PCSK5: variants seen among roughly 807,000 people sequenced by gnomAD.
PCSK5 encodes the protein prohormone convertase 5.
A neutral mutation model predicts 233.2 loss-of-function variants in PCSK5; 129 were observed. The observed-to-expected ratio is 0.55, with a 90% CI of 0.48 to 0.64. The LOEUF is 0.64. Ranked by LOEUF, PCSK5 falls within the 30% of genes least tolerant of loss-of-function variation. PCSK5 has a pLI of 0.00. For synonymous variants in PCSK5, 825 were observed against 879.2 expected, an observed-to-expected ratio of 0.94 and a Z score of 1.09; for missense variants, 2,076 against 2,430.1, an observed-to-expected ratio of 0.85 and a Z score of 3.06.
Position 76,096,090 on chromosome 9 carries a change from C to A in PCSK5, c.1095C>A (p.Tyr365Ter). 1 of 1,612,754 alleles carries A rather than the reference C, an allele frequency of 6.2e-7. No homozygotes were observed. Residue 365 changes from tyrosine (Y) to a stop codon, truncating the protein, a stop_gained, in exon 8 of 38, where the codon TAC (tyrosine) becomes TAA (stop). Coordinates refer to ENST00000674117, the MANE Select transcript of PCSK5 (RefSeq NM_001372043.1). LOFTEE classifies it high-confidence loss of function. Reference sequence around the variant, plus strand: ...CAACCTACAGCAGCGGGGAGTCCTACGATAAGAAAATCGTACGTGACATGT... The same window carrying A: ...CAACCTACAGCAGCGGGGAGTCCTAAGATAAGAAAATCGTACGTGACATGT... The part of the protein sequence containing the change: ...LATTYSSGES[Y>*]DKKIITTDLR...
At chr9:76,085,146 C>G (rs1831011787) in intron 7 of PCSK5, among the ~76,000 whole-genome samples, 2 of 152,120 alleles carry the variant, frequency 1.3e-5, no homozygotes, top group Admixed American at 6.5e-5. Context: ...TCAGGTGGGC[C>G]CATCTGTTCA....
At position 76,351,481 on chromosome 9, in the gene PCSK5, A is replaced by AAAG. The variant is rs1288855061; in HGVS notation, c.5067+556_5067+558dup. Among the ~76,000 whole-genome samples the AAAG allele has an allele frequency of 2.7e-4, 24 of 89,824 alleles. 3 individuals are homozygous for AAAG. The highest frequency in any genetic ancestry group is 9.4e-4 in the African/African-American group (24 of 25,478). 58.9% of individuals were successfully genotyped at this position (89,824 alleles called of 152,430 possible). A position where few individuals can be genotyped will look rare whatever the true frequency, so the allele number is the denominator to read the frequency against. On this transcript the variant is annotated intron_variant, in intron 36 of 37. Transcript: ENST00000674117. ...GAAAGAAAGAAAGAAAGAAAGAAAG[A>AAAG]AAGAAAGAAAGAAAGAAAGAAAGAA... is the stretch of plus-strand genomic sequence containing the variant.
Position 76,296,693 on chromosome 9 carries a change from T to C in PCSK5, c.3351T>C (p.Pro1117=). 4 of 1,612,426 alleles carry C rather than the reference T, an allele frequency of 2.5e-6. No individual in the cohort carries two copies. The highest frequency in any genetic ancestry group is 3.4e-6 in the Non-Finnish European group (4 of 1,179,472). ...LGGSCVRKCG[P]GFYGDQEMGE... ...GCAGTTGTGTGAGGAAATGTGGTCC[T>C]GGATTCTATGGTGACCAAGAAATGG... is the stretch of plus-strand genomic sequence containing the variant. Residue 1117 remains proline (P), a synonymous_variant, in exon 27 of 38, where the codon CCT becomes CCC. Transcript: ENST00000674117.
intron 5 of PCSK5, among the ~76,000 whole-genome samples, chr9:76,062,189 A>G (rs1830053631): frequency 6.6e-6 from 1 of 152,116 alleles, no homozygotes; most frequent in African/African-American, 2.4e-5. Flanking sequence ...TTGAGGTTAC[A>G]GTGAATTATG....
chr9:76,240,594 T>C (rs1826400474), intron 23 of PCSK5, 22 bp from the exon 24 acceptor site: 1 of 1,532,984 alleles, frequency 6.5e-7, no homozygotes, highest in Non-Finnish European at 8.9e-7. Flanking sequence ...GAGTTGTGTT[T>C]TTCACTTCTC....
chr9:76,316,604 G>A (rs1248749044), intron 30 of PCSK5, among the ~76,000 whole-genome samples: 4 of 150,874 alleles, frequency 2.7e-5, no homozygotes, highest in South Asian at 2.1e-4. Context: ...CCAGTGTGGC[G>A]GCACACACCT....
rs78883298 is a variant in PCSK5, at chr9:75,993,730, C to T, written c.411+7485C>T. Reference sequence around the variant, plus strand: ...CAGCAGAAAGAAAACGCACATGGGGCGAAGTCTGGAGGAAACCAGGATCAA... The same window carrying T: ...CAGCAGAAAGAAAACGCACATGGGGTGAAGTCTGGAGGAAACCAGGATCAA... On this transcript the variant is annotated intron_variant, in intron 3 of 37. Coordinates refer to ENST00000674117, the MANE Select transcript of PCSK5 (RefSeq NM_001372043.1). 6.6e-3 allele frequency among the ~76,000 whole-genome samples: 1,007 copies of T among 152,260 alleles called. 8 individuals are homozygous for T. The highest frequency in any genetic ancestry group is 0.02 in the Middle Eastern group (6 of 294).
At chr9:76,074,364 G>A (rs1411504528) in intron 7 of PCSK5, among the ~76,000 whole-genome samples, 1 of 152,166 alleles carries the variant, frequency 6.6e-6, no homozygotes, top group Non-Finnish European at 1.5e-5. Context: ...GGGAAAAAAA[G>A]GAATTCAGTT....
intron 24 of PCSK5, among the ~76,000 whole-genome samples, chr9:76,257,590 G>A (rs1324530496): frequency 4.6e-5 from 7 of 152,092 alleles, no homozygotes; most frequent in Non-Finnish European, 7.4e-5. Context: ...AGTCCTCCCC[G>A]CAGCCTCCAG....
intron 24 of PCSK5, among the ~76,000 whole-genome samples, chr9:76,245,959 A>G (rs907546461): frequency 1.3e-5 from 2 of 152,128 alleles, no homozygotes; most frequent in African/African-American, 4.8e-5. Flanking sequence ...AGAGGGAGAG[A>G]TGTTTTTAAA....
rs1053186456 is a variant in PCSK5, at chr9:76,264,669, C to T, written c.3142+23985C>T. ...ACAAACATGAAACAATTATCCACAT[C>T]GCTAACATCAGAGAAATGCAAATCA... On this transcript the variant is annotated intron_variant, in intron 24 of 37. Coordinates refer to ENST00000674117, the MANE Select transcript of PCSK5 (RefSeq NM_001372043.1). Among the ~76,000 whole-genome samples the T allele has an allele frequency of 5.3e-5, 8 of 152,078 alleles. No individual in the cohort carries two copies. In the South Asian group the frequency reaches 8.3e-4, roughly 16 times the overall value.
In PCSK5 at chr9:76,362,164, C is replaced by G. The variant is rs530406868; in HGVS notation, c.*3242C>G. 4.6e-5 allele frequency: 7 copies of G among 152,256 alleles called. No individual in the cohort carries two copies. The highest frequency in any genetic ancestry group is 8.8e-5 in the Non-Finnish European group (6 of 68,020). 9.4% of individuals were successfully genotyped at this position (152,256 alleles called of 1,614,324 possible). On this transcript the variant is annotated 3_prime_UTR_variant, in exon 38 of 38. Coordinates refer to ENST00000674117, the MANE Select transcript of PCSK5 (RefSeq NM_001372043.1). ...TGGCTTTTGAATACTATGCTAATGA[C>G]TATCTAAATAGATAAATATGTGATT... is the stretch of plus-strand genomic sequence containing the variant.
chr9:76,004,322 G>A (rs1827388057), intron 3 of PCSK5, among the ~76,000 whole-genome samples: 1 of 152,024 alleles, frequency 6.6e-6, no homozygotes, highest in Non-Finnish European at 1.5e-5. Flanking sequence ...GGGTAAGACT[G>A]CATCCTTTTC....
At chr9:75,947,699 C>T (rs925003254) in intron 2 of PCSK5, among the ~76,000 whole-genome samples, 1 of 152,152 alleles carries the variant, frequency 6.6e-6, no homozygotes, top group Non-Finnish European at 1.5e-5. Flanking sequence ...CCTTCTTCAA[C>T]TCACTTTTGT....
intron 1 of PCSK5, among the ~76,000 whole-genome samples, chr9:75,905,729 TAGCAG>T (rs1826239074): frequency 6.6e-6 from 1 of 152,156 alleles, no homozygotes; most frequent in Admixed American, 6.5e-5. Context: ...TAGACTCTTG[TAGCAG>T]GGCGAACCCT....
rs1564201695 is a variant in PCSK5, at chr9:76,358,944, C to G, written c.*22C>G. On this transcript the variant is annotated 3_prime_UTR_variant, in exon 38 of 38. Coordinates refer to ENST00000674117, the MANE Select transcript of PCSK5 (RefSeq NM_001372043.1). ...GTAAACAGGCACTCCCCCACCAACACCACCATTCCACTCTCAGGCATGCCT... is the reference window on the plus strand; with the variant it reads ...GTAAACAGGCACTCCCCCACCAACAGCACCATTCCACTCTCAGGCATGCCT... 2 of 1,599,756 alleles carry G rather than the reference C, an allele frequency of 1.3e-6. No individual in the cohort carries two copies. Among genetic ancestry groups the G allele is most frequent in the East Asian group, 2.2e-5 (1 of 44,760 alleles).
intron 6 of PCSK5, among the ~76,000 whole-genome samples, chr9:76,071,179 C>T (rs1265012294): frequency 6.6e-6 from 1 of 152,112 alleles, no homozygotes; most frequent in African/African-American, 2.4e-5. Flanking sequence ...GTTACATCCA[C>T]AGAGATTATT....
At chr9:76,113,231 C>CT (rs1314321061) in intron 9 of PCSK5, among the ~76,000 whole-genome samples, 1 of 152,100 alleles carries the variant, frequency 6.6e-6, no homozygotes, top group African/African-American at 2.4e-5. Context: ...TCCCCTCTAC[C>CT]TTTTGTCTTT....
chr9:76,253,009 A>T (rs1826861491), intron 24 of PCSK5, among the ~76,000 whole-genome samples: 1 of 152,206 alleles, frequency 6.6e-6, no homozygotes, highest in South Asian at 2.1e-4. Context: ...CCATTTTGGT[A>T]CCTTCCAAAC....
Sources: gnomAD v4.1 joint callset for allele counts (sites outside exome capture counted in the v4.1 genomes callset) on GRCh38, gnomAD v4.1.1 for gene constraint, MANE v1.5 for transcripts, NCBI Gene and HGNC (gene_info 2026-07-23, HGNC 2026-07-21) for gene names.